The following CDH18 variants were observed in gnomAD, a reference collection of about 807,000 sequenced individuals.
CDH18 encodes the protein cadherin 18.
A neutral mutation model predicts 67.9 loss-of-function variants in CDH18; 31 were observed. The ratio of observed to expected loss-of-function variants is 0.46; its 90% CI spans 0.34 to 0.62. The LOEUF (loss-of-function observed/expected upper bound fraction) is 0.62, where lower values mean the gene tolerates loss of function less well. Among genes scored for constraint, CDH18 ranks in the 20% least tolerant of loss-of-function variants. The pLI is 0.01. For synonymous variants in CDH18, 362 were observed against 347.2 expected (o/e 1.04, Z -0.48); for missense variants, 890 against 975.5 (o/e 0.91, Z 1.17).
chr5:20,223,976 G>A (rs1426979925), intron 2 of CDH18, among the ~76,000 whole-genome samples: 1 of 151,982 alleles, frequency 6.6e-6, no homozygotes, highest in African/African-American at 2.4e-5. Context: ...AACAAAATTT[G>A]TATTTAAATA....
intron 3 of CDH18, among the ~76,000 whole-genome samples, chr5:19,789,228 C>G (rs6891802): frequency 0.42 from 63,555 of 151,996 alleles, 13,578 homozygotes; most frequent in East Asian, 0.64. Context: ...GTAAGTTGTA[C>G]GACCTTAGGC....
chr5:20,206,334 T>C (rs1039405765), intron 2 of CDH18, among the ~76,000 whole-genome samples: 4 of 151,842 alleles, frequency 2.6e-5, no homozygotes, highest in Non-Finnish European at 5.9e-5. Flanking sequence ...GTGAGACTGA[T>C]GCCATAATGA....
At chr5:20,191,484 A>G (rs1372537651) in intron 2 of CDH18, among the ~76,000 whole-genome samples, 3 of 151,786 alleles carry the variant, frequency 2.0e-5, no homozygotes, top group Non-Finnish European at 4.4e-5. Flanking sequence ...TGCTGCACCT[A>G]TTGAACTATC....
At chr5:20,472,493 G>A (rs1338671523) in intron 1 of CDH18, among the ~76,000 whole-genome samples, 1 of 152,202 alleles carries the variant, frequency 6.6e-6, no homozygotes, top group Non-Finnish European at 1.5e-5. Context: ...CAAAGGGAAT[G>A]TGGGAACTCC....
chr5:20,145,336 A>G (rs559111938), intron 2 of CDH18, among the ~76,000 whole-genome samples: 3 of 152,304 alleles, frequency 2.0e-5, no homozygotes, highest in African/African-American at 7.2e-5. Context: ...TGCAATTGAA[A>G]TGAATTATTC....
chr5:20,026,228 A>G (rs1201036362), intron 2 of CDH18, among the ~76,000 whole-genome samples: 2 of 152,198 alleles, frequency 1.3e-5, no homozygotes, highest in African/African-American at 2.4e-5. Flanking sequence ...GAGAATCCGT[A>G]AGGGGATCTG....
intron 11 of CDH18, among the ~76,000 whole-genome samples, chr5:19,483,884 T>C (rs1279870816): frequency 6.6e-6 from 1 of 152,254 alleles, no homozygotes; most frequent in Non-Finnish European, 1.5e-5. Context: ...CTTAGGGTCC[T>C]ATACTTTGAA....
intron 11 of CDH18, among the ~76,000 whole-genome samples, chr5:19,492,060 C>G: frequency 6.6e-6 from 1 of 151,268 alleles, no homozygotes; most frequent in Non-Finnish European, 1.5e-5. Flanking sequence ...TTCCTGATAG[C>G]AAATCATCAA....
intron 1 of CDH18, among the ~76,000 whole-genome samples, chr5:20,381,210 G>A (rs1743885269): frequency 6.6e-6 from 1 of 152,178 alleles, no homozygotes; most frequent in South Asian, 2.1e-4. Flanking sequence ...ATCTAGTCTA[G>A]TTTCAAGAAC....
At chr5:19,530,939 G>A (rs1041484112) in intron 9 of CDH18, among the ~76,000 whole-genome samples, 3 of 152,148 alleles carry the variant, frequency 2.0e-5, no homozygotes, top group South Asian at 2.1e-4. Flanking sequence ...TTCGGCTCGC[G>A]CATGGTGTGC....
chr5:20,497,478 A>G (rs1753980369), intron 1 of CDH18, among the ~76,000 whole-genome samples: 2 of 152,176 alleles, frequency 1.3e-5, no homozygotes, highest in South Asian at 4.1e-4. Context: ...AGAATGCTGT[A>G]TAAGTTTGTA....
At chr5:20,561,960 G>T (rs959971454) in intron 1 of CDH18, among the ~76,000 whole-genome samples, 1 of 151,810 alleles carries the variant, frequency 6.6e-6, no homozygotes, top group East Asian at 1.9e-4. Context: ...ATGGTATTAT[G>T]CTAAGAGCTG....
intron 2 of CDH18, among the ~76,000 whole-genome samples, chr5:20,060,087 C>A (rs1451060367): frequency 6.6e-6 from 1 of 152,042 alleles, no homozygotes; most frequent in African/African-American, 2.4e-5. Context: ...AACAAACGTG[C>A]ACATTCTGCA....
intron 3 of CDH18, among the ~76,000 whole-genome samples, chr5:19,761,905 T>C (rs1386347558): frequency 2.0e-5 from 3 of 152,008 alleles, no homozygotes; most frequent in Non-Finnish European, 4.4e-5. Context: ...TATAGACCAA[T>C]GGAACAGAAC....
intron 2 of CDH18, among the ~76,000 whole-genome samples, chr5:20,212,439 A>C (rs1740426234): frequency 1.3e-5 from 2 of 152,070 alleles, no homozygotes; most frequent in South Asian, 4.1e-4. Context: ...TGCCACAAAG[A>C]TACTCCTCGA....
chr5:19,867,711 C>G (rs778115543), intron 2 of CDH18, among the ~76,000 whole-genome samples: 26 of 152,086 alleles, frequency 1.7e-4, no homozygotes, highest in Admixed American at 3.9e-4. Flanking sequence ...TATAATAATA[C>G]AGCCAACACA....
At chr5:20,003,617 G>A (rs917030256) in intron 2 of CDH18, among the ~76,000 whole-genome samples, 1 of 152,046 alleles carries the variant, frequency 6.6e-6, no homozygotes, top group Non-Finnish European at 1.5e-5. Flanking sequence ...ATAATAGGCC[G>A]GTCGCGGTGG....
At chr5:19,677,969 C>T (rs562842302) in intron 5 of CDH18, among the ~76,000 whole-genome samples, 2 of 151,776 alleles carry the variant, frequency 1.3e-5, no homozygotes, top group African/African-American at 4.8e-5. Flanking sequence ...ATATATAAAA[C>T]ACAGGAGAAC....
At chr5:19,697,083 C>T (rs1435961224) in intron 5 of CDH18, among the ~76,000 whole-genome samples, 1 of 152,106 alleles carries the variant, frequency 6.6e-6, no homozygotes, top group African/African-American at 2.4e-5. Context: ...TCTACAAGAG[C>T]TATAAAAATA....
Sources: gnomAD v4.1 joint callset for allele counts (sites outside exome capture counted in the v4.1 genomes callset) on GRCh38, gnomAD v4.1.1 for gene constraint, MANE v1.5 for transcripts, NCBI Gene and HGNC (gene_info 2026-07-23, HGNC 2026-07-21) for gene names.